GABBR2: variants seen among roughly 807,000 people sequenced by gnomAD.
GABBR2 encodes gamma-aminobutyric acid type B receptor subunit 2, also known as G-protein coupled receptor 51.
Under a neutral mutation model 105.6 loss-of-function variants are expected in GABBR2, and 23 were observed. The ratio of observed to expected loss-of-function variants is 0.22; its 90% CI spans 0.16 to 0.31. The LOEUF is 0.31. Ranked by LOEUF, GABBR2 falls within the 10% of genes least tolerant of loss-of-function variation. The pLI is 1.00. For synonymous variants in GABBR2, 478 were observed against 499.7 expected (o/e 0.96, Z 0.58); for missense variants, 734 against 1,245.5 (o/e 0.59, Z 6.18).
At position 98,330,662 on chromosome 9, in the gene GABBR2, C is replaced by T. The variant is rs569674427; in HGVS notation, c.1894-19457G>A. 3.3e-5 allele frequency among the ~76,000 whole-genome samples: 5 copies of T among 152,304 alleles called. No individual in the cohort carries two copies. The East Asian group carries it at 7.7e-4, about 23-fold the overall frequency. ...CACTTGCTCTTCTCCAAGAGCATGT[C>T]CCCCTCTCTCTACCTTTGCTTTCAC... On this transcript the variant is annotated intron_variant, in intron 13 of 18. Coordinates refer to ENST00000259455, the MANE Select transcript of GABBR2 (RefSeq NM_005458.8).
intron 1 of GABBR2, among the ~76,000 whole-genome samples, chr9:98,578,855 A>C (rs1358579403): frequency 1.3e-5 from 2 of 152,226 alleles, no homozygotes; most frequent in Non-Finnish European, 2.9e-5. Context: ...AATAAGCCAT[A>C]CAAAAAGACA....
At chr9:98,636,349 T>C (rs1453166606) in intron 1 of GABBR2, among the ~76,000 whole-genome samples, 1 of 152,146 alleles carries the variant, frequency 6.6e-6, no homozygotes, top group Non-Finnish European at 1.5e-5. Context: ...CCTCAGGTCA[T>C]TTCAGGGTGA....
In GABBR2 at chr9:98,363,834, G is replaced by A. The variant is rs180976385; in HGVS notation, c.1771-997C>T. On this transcript the variant is annotated intron_variant, in intron 12 of 18. Coordinates refer to ENST00000259455, the MANE Select transcript of GABBR2 (RefSeq NM_005458.8). ...TCTGTTTGATAGGGATCGGCTGGGGGATAAATATTTTCGGTGCCAAAGCTG... is the reference window on the plus strand; with the variant it reads ...TCTGTTTGATAGGGATCGGCTGGGGAATAAATATTTTCGGTGCCAAAGCTG... Among the ~76,000 whole-genome samples, 621 of 152,244 alleles carry A rather than the reference G, an allele frequency of 4.1e-3. 3 individuals are homozygous for A. Among genetic ancestry groups the A allele is most frequent in the African/African-American group, 0.013 (555 of 41,524 alleles).
chr9:98,347,403 CTTTGTCT>C (rs1295757290), intron 13 of GABBR2, among the ~76,000 whole-genome samples: 1 of 152,038 alleles, frequency 6.6e-6, no homozygotes, highest in Non-Finnish European at 1.5e-5. Flanking sequence ...TATTCTGATC[CTTTGTCT>C]TCATTTTAAT....
chr9:98,542,666 CA>C (rs1301981140), intron 2 of GABBR2, among the ~76,000 whole-genome samples: 1 of 151,886 alleles, frequency 6.6e-6, no homozygotes, highest in Non-Finnish European at 1.5e-5. Flanking sequence ...TACTTATTTC[CA>C]AAAAACATTT....
chr9:98,693,483 C>T (rs1312209695), intron 1 of GABBR2, among the ~76,000 whole-genome samples: 3 of 152,214 alleles, frequency 2.0e-5, no homozygotes, highest in Admixed American at 6.5e-5. Context: ...ATCATTTTGC[C>T]TTTCCTGCCA....
chr9:98,329,819 C>T (rs1830991143), intron 13 of GABBR2, among the ~76,000 whole-genome samples: 1 of 151,902 alleles, frequency 6.6e-6, no homozygotes, highest in African/African-American at 2.4e-5. Flanking sequence ...CTGCTCCTCT[C>T]TCCCTTCCCT....
At chr9:98,311,549 G>C (rs1165506759) in intron 13 of GABBR2, among the ~76,000 whole-genome samples, 1 of 152,210 alleles carries the variant, frequency 6.6e-6, no homozygotes, top group Non-Finnish European at 1.5e-5. Context: ...GCTAATATTT[G>C]TTGTGAGAAT....
rs1826269265 is a variant in GABBR2, at chr9:98,453,390, C to T, written c.1236+591G>A. 2.0e-5 allele frequency among the ~76,000 whole-genome samples: 3 copies of T among 152,240 alleles called. No homozygotes were observed. The South Asian group carries it at 6.2e-4, about 32-fold the overall frequency. ...ACAGAAAGAAAACTGTTTTATTACA[C>T]AATTAAACTTGAATGTGGCATGCAT... On this transcript the variant is annotated intron_variant, in intron 7 of 18. Transcript: ENST00000259455.
chr9:98,503,719 G>A (rs1350595280), intron 3 of GABBR2, among the ~76,000 whole-genome samples: 1 of 152,140 alleles, frequency 6.6e-6, no homozygotes, highest in Non-Finnish European at 1.5e-5. Context: ...CCATGGTGAG[G>A]AATGGGGAGC....
intron 2 of GABBR2, among the ~76,000 whole-genome samples, chr9:98,546,094 GT>G (rs1828395684): frequency 6.6e-6 from 1 of 152,132 alleles, no homozygotes; most frequent in Admixed American, 6.5e-5. Flanking sequence ...AATTTGGCAA[GT>G]GCAGTGTCTG....
At chr9:98,566,511 TA>T (rs1398405731) in intron 2 of GABBR2, among the ~76,000 whole-genome samples, 1 of 151,906 alleles carries the variant, frequency 6.6e-6, no homozygotes, top group African/African-American at 2.4e-5. Context: ...CCGTCTCTAC[TA>T]AAATTACAAA....
chr9:98,339,284 C>CAAAAAAAAAA (rs9299286), intron 13 of GABBR2, among the ~76,000 whole-genome samples: 1 of 133,662 alleles, frequency 7.5e-6, no homozygotes. Context: ...AATTATATCT[C>CAAAAAAAAAA]AAAAAAAAAA....
At chr9:98,590,793 G>A (rs761686628) in intron 1 of GABBR2, among the ~76,000 whole-genome samples, 8 of 152,232 alleles carry the variant, frequency 5.3e-5, no homozygotes, top group Non-Finnish European at 1.0e-4. Flanking sequence ...AGGGGAAGAT[G>A]AGATGGGTAA....
chr9:98,682,183 C>T (rs534779833), intron 1 of GABBR2, among the ~76,000 whole-genome samples: 12 of 150,520 alleles, frequency 8.0e-5, no homozygotes, highest in African/African-American at 2.4e-4. Context: ...GCTGAGATTG[C>T]GCCACTGCAC....
chr9:98,371,422 G>C, intron 12 of GABBR2, 42 bp downstream of exon 12: 1 of 1,038,068 alleles, frequency 9.6e-7, no homozygotes. Flanking sequence ...TAAATGCTGG[G>C]TGAACACTAC....
chr9:98,507,006 T>C (rs1421160809), intron 3 of GABBR2, among the ~76,000 whole-genome samples: 1 of 152,130 alleles, frequency 6.6e-6, no homozygotes, highest in Non-Finnish European at 1.5e-5. Context: ...CCACATACTG[T>C]AGGGGAGAAA....
rs1832110342 is a variant in GABBR2, at chr9:98,388,186, C to T, written c.1529+668G>A. On this transcript the variant is annotated intron_variant, in intron 10 of 18. Coordinates refer to ENST00000259455, the MANE Select transcript of GABBR2 (RefSeq NM_005458.8). This position sits in a 1 kb window ranked among gnomAD's most constrained non-coding sequence, Gnocchi z 4.4. ...GACCAGAATAACTCAGTCAGCCTCT[C>T]TCCTCTGGAGAATTAAGGGCACGTG... Among the ~76,000 whole-genome samples the T allele has an allele frequency of 6.6e-6, 1 of 152,250 alleles. No individual in the cohort carries two copies. Among genetic ancestry groups the T allele is most frequent in the Non-Finnish European group, 1.5e-5 (1 of 68,038 alleles).
At chr9:98,661,054 C>T (rs4477137) in intron 1 of GABBR2, among the ~76,000 whole-genome samples, 13,333 of 152,102 alleles carry the variant, frequency 0.088, 648 homozygotes, top group Non-Finnish European at 0.1. Flanking sequence ...TACAGGCATG[C>T]GCCATTACAC....
Sources: gnomAD v4.1 joint callset for allele counts (sites outside exome capture counted in the v4.1 genomes callset) on GRCh38, gnomAD v4.1.1 for gene constraint, Gnocchi (gnomAD v3.1) non-coding constraint, MANE v1.5 for transcripts, NCBI Gene and HGNC (gene_info 2026-07-23, HGNC 2026-07-21) for gene names.